The following BAZ2B variants were observed in gnomAD, a reference collection of about 807,000 sequenced individuals.
BAZ2B encodes bromodomain adjacent to zinc finger domain 2B.
In BAZ2B, 91 loss-of-function variants were observed where a neutral mutation model predicts 246.0. That is an observed-to-expected ratio of 0.37 (90% CI 0.31 to 0.44). The LOEUF (loss-of-function observed/expected upper bound fraction) is 0.44. BAZ2B is among the 20% of genes least tolerant of loss of function. The pLI is 1.00. For missense variants in BAZ2B, 2,332 were observed against 2,533.7 expected (o/e 0.92, Z 1.71); for synonymous variants, 855 against 860.0 (o/e 0.99, Z 0.10).
chr2:159,561,946 A>C (rs919018732), intron 1 of BAZ2B, among the ~76,000 whole-genome samples: 2 of 152,208 alleles, frequency 1.3e-5, no homozygotes, highest in African/African-American at 4.8e-5. Flanking sequence ...TGGAGAACTG[A>C]GTTTTAAACC....
At chr2:159,353,337 T>C (rs905653096) in intron 27 of BAZ2B, among the ~76,000 whole-genome samples, 1 of 152,228 alleles carries the variant, frequency 6.6e-6, no homozygotes, top group African/African-American at 2.4e-5. Context: ...AAACAACAGT[T>C]TGCAGGAAAC....
intron 1 of BAZ2B, among the ~76,000 whole-genome samples, chr2:159,609,246 T>C (rs1694183551): frequency 6.6e-6 from 1 of 152,178 alleles, no homozygotes; most frequent in African/African-American, 2.4e-5. Flanking sequence ...TGCTTAATAC[T>C]CCAGAAGTGA....
chr2:159,686,351 C>T, the BAZ2B span, among the ~76,000 whole-genome samples: 4 of 152,086 alleles, frequency 2.6e-5, no homozygotes, highest in Non-Finnish European at 5.9e-5. Context: ...TAGCATCTAC[C>T]CTCTGATATG....
At chr2:159,699,122 A>G in the BAZ2B span, among the ~76,000 whole-genome samples, 1 of 152,328 alleles carries the variant, frequency 6.6e-6, no homozygotes, top group East Asian at 1.9e-4. Flanking sequence ...AGACACACCC[A>G]GTATCCTCAG....
intron 1 of BAZ2B, among the ~76,000 whole-genome samples, chr2:159,567,945 C>T (rs1033025280): frequency 2.6e-5 from 4 of 152,132 alleles, no homozygotes; most frequent in Non-Finnish European, 5.9e-5. Flanking sequence ...GCACTCCAGC[C>T]TGGGGAAAGA....
chr2:159,405,181 G>A, intron 14 of BAZ2B, 67 bp from the exon 15 acceptor site: 2 of 1,305,260 alleles, frequency 1.5e-6, no homozygotes, highest in Non-Finnish European at 2.2e-6. Flanking sequence ...AACAATAACT[G>A]TGTGAAAATG....
chr2:159,510,384 G>A (rs988319326), intron 2 of BAZ2B, among the ~76,000 whole-genome samples: 3 of 152,058 alleles, frequency 2.0e-5, no homozygotes, highest in Non-Finnish European at 2.9e-5. Flanking sequence ...GGCTGGCCTT[G>A]AACTCCTGGT....
At chr2:159,559,941 A>G (rs1028266452) in intron 1 of BAZ2B, among the ~76,000 whole-genome samples, 1 of 152,200 alleles carries the variant, frequency 6.6e-6, no homozygotes, top group African/African-American at 2.4e-5. Context: ...AATCTCAATA[A>G]TATTAACCCC....
At chr2:159,466,647 TTTA>T (rs2077086355) in intron 3 of BAZ2B, among the ~76,000 whole-genome samples, 1 of 152,192 alleles carries the variant, frequency 6.6e-6, no homozygotes. Flanking sequence ...GATACACTAA[TTTA>T]TTATATATGA....
chr2:159,453,781 C>T lies in BAZ2B; in HGVS notation c.166G>A (p.Gly56Arg). 1 of 1,606,306 alleles carries T rather than the reference C, an allele frequency of 6.2e-7. No homozygotes were observed. The highest frequency in any genetic ancestry group is 8.5e-7 in the Non-Finnish European group (1 of 1,176,244). Residue 56 changes from glycine to arginine, a missense_variant, in exon 4 of 37, where the codon GGG becomes AGG. By Grantham distance (125) the Gly-to-Arg change is moderately radical. Transcript: ENST00000392783. ...GTGGACAGGTTAAACGGTTGATCCCCAGCTGTTCTGAATAAATGTCCTGGG... is the reference window on the plus strand; with the variant it reads ...GTGGACAGGTTAAACGGTTGATCCCTAGCTGTTCTGAATAAATGTCCTGGG... ...NPCGHLFRTA[G>R]DQPFNLSTVS...
intron 13 of BAZ2B, among the ~76,000 whole-genome samples, chr2:159,427,699 G>A (rs942053781): frequency 2.0e-5 from 3 of 151,992 alleles, no homozygotes; most frequent in Non-Finnish European, 2.9e-5. Flanking sequence ...TAAAGTTATT[G>A]GTTGAATTAA....
intron 2 of BAZ2B, among the ~76,000 whole-genome samples, chr2:159,549,774 TA>T (rs201877310): frequency 0.12 from 16,286 of 132,642 alleles, 1,071 homozygotes; most frequent in East Asian, 0.27. Flanking sequence ...GTGAGATGTT[TA>T]AAAAAAAAAA....
intron 13 of BAZ2B, among the ~76,000 whole-genome samples, chr2:159,417,866 GAA>G (rs931121132): frequency 6.6e-6 from 1 of 152,144 alleles, no homozygotes; most frequent in East Asian, 1.9e-4. Flanking sequence ...TAATGCATTA[GAA>G]AAAGAGTTTA....
At chr2:159,703,295 C>T in the BAZ2B span, among the ~76,000 whole-genome samples, 2 of 151,144 alleles carry the variant, frequency 1.3e-5, no homozygotes, top group Admixed American at 1.3e-4. Flanking sequence ...GATTTTACCA[C>T]GTTGGCCAGG....
intron 3 of BAZ2B, among the ~76,000 whole-genome samples, chr2:159,455,762 G>GTTTTTTTT (rs759816186): frequency 1.5e-4 from 15 of 97,122 alleles, no homozygotes; most frequent in Non-Finnish European, 3.0e-4. Context: ...GAAATATTGT[G>GTTTTTTTT]GTTTTTTTTT....
chr2:159,618,414 T>C (rs1696291941), upstream of BAZ2B, among the ~76,000 whole-genome samples: 1 of 152,158 alleles, frequency 6.6e-6, no homozygotes, highest in Non-Finnish European at 1.5e-5. Context: ...CATATTTAAT[T>C]AACTCGGAGG....
chr2:159,544,843 A>G (rs1394914455), intron 2 of BAZ2B, among the ~76,000 whole-genome samples: 1 of 152,198 alleles, frequency 6.6e-6, no homozygotes, highest in Admixed American at 6.5e-5. Context: ...TTTGACTATA[A>G]AAGAATGTGT....
intron 2 of BAZ2B, among the ~76,000 whole-genome samples, chr2:159,491,720 CAAAAAA>C (rs773067675): frequency 2.7e-4 from 8 of 29,552 alleles, no homozygotes; most frequent in South Asian, 2.9e-3. Context: ...GACTCCGTCT[CAAAAAA>C]AAAAAAAAAA....
chr2:159,698,737 T>C, the BAZ2B span, among the ~76,000 whole-genome samples: 2 of 152,132 alleles, frequency 1.3e-5, no homozygotes, highest in Non-Finnish European at 2.9e-5. Flanking sequence ...AATCAATGCT[T>C]TCTTTCTCAA....
Sources: allele counts gnomAD v4.1 joint callset (sites outside exome capture counted in the v4.1 genomes callset), GRCh38; gene constraint gnomAD v4.1.1; transcripts MANE v1.5; gene names NCBI Gene and HGNC (gene_info 2026-07-23, HGNC 2026-07-21).